The following CTDP1 variants were observed in gnomAD, a reference collection of about 807,000 sequenced individuals.
CTDP1 encodes RNA polymerase II subunit A C-terminal domain phosphatase.
Under a neutral mutation model 91.8 loss-of-function variants are expected in CTDP1, and 47 were observed. The observed-to-expected ratio is 0.51, with a 90% CI of 0.41 to 0.65. The LOEUF (loss-of-function observed/expected upper bound fraction) is 0.65. Among genes scored for constraint, CTDP1 ranks in the 30% least tolerant of loss-of-function variants. The probability of loss-of-function intolerance (pLI) is 0.00; values close to 1 mark genes in which losing one functional copy is unlikely to be tolerated. For synonymous variants in CTDP1, 656 were observed against 598.5 expected (o/e 1.10, Z -1.40); for missense variants, 1,272 against 1,373.7 (o/e 0.93, Z 1.17).
chr18:79,710,890 C>T (rs1314300248), intron 6 of CTDP1, among the ~76,000 whole-genome samples: 1 of 151,908 alleles, frequency 6.6e-6, no homozygotes, highest in African/African-American at 2.4e-5. Flanking sequence ...ATTTAACATC[C>T]CCTTTCCAGT....
intron 12 of CTDP1, 103 bp downstream of exon 12, chr18:79,736,624 C>T (rs1568213434): frequency 9.9e-6 from 12 of 1,209,598 alleles, no homozygotes; most frequent in South Asian, 1.6e-5. Context: ...ACGCCCTCCA[C>T]CATTCTGTGT....
chr18:79,737,447 A>C (rs1405432610), intron 12 of CTDP1, among the ~76,000 whole-genome samples: 1 of 152,172 alleles, frequency 6.6e-6, no homozygotes, highest in Admixed American at 6.5e-5. Flanking sequence ...CTTTTTTCCC[A>C]GATGATTAGC....
intron 12 of CTDP1, among the ~76,000 whole-genome samples, chr18:79,739,272 A>C (rs1599306564): frequency 1.3e-5 from 2 of 152,306 alleles, no homozygotes; most frequent in Middle Eastern, 3.4e-3. Flanking sequence ...GCGGCCAGCC[A>C]CGTCATCCAG....
intron 10 of CTDP1, among the ~76,000 whole-genome samples, chr18:79,718,980 G>A (rs976607924): frequency 3.3e-5 from 5 of 152,172 alleles, no homozygotes; most frequent in Non-Finnish European, 5.9e-5. Context: ...CTGTCCCTGC[G>A]TGGGGATGCT....
intron 10 of CTDP1, among the ~76,000 whole-genome samples, chr18:79,727,954 G>A (rs1269905984): frequency 6.6e-6 from 1 of 152,216 alleles, no homozygotes; most frequent in Non-Finnish European, 1.5e-5. Flanking sequence ...CGAGAAAGAT[G>A]TGTACAGAGG....
At chr18:79,683,343 C>T (rs554880320) in intron 1 of CTDP1, among the ~76,000 whole-genome samples, 1 of 152,268 alleles carries the variant, frequency 6.6e-6, no homozygotes, top group Admixed American at 6.5e-5. Flanking sequence ...TTAGAGTACC[C>T]CTTTCAGATT....
upstream of CTDP1, chr18:79,677,604 G>T (rs2085269465): frequency 6.6e-6 from 1 of 152,278 alleles, no homozygotes; most frequent in African/African-American, 2.4e-5. Context: ...AGTATGTAAG[G>T]AGGCGGCTTC....
Position 79,695,562 on chromosome 18 carries a change from T to C in CTDP1, c.398+254T>C, listed in dbSNP as rs543373887. Among the ~76,000 whole-genome samples, 4 of 152,278 alleles carry C rather than the reference T, an allele frequency of 2.6e-5. No individual in the cohort carries two copies. In the South Asian group the frequency reaches 8.3e-4, roughly 32 times the overall value. ...CATGCTGGAGGGCCGAGACCTGTTT[T>C]CTCCTGACTGAAGACGCAGATCGCT... On this transcript the variant is annotated intron_variant, in intron 2 of 12. Coordinates refer to ENST00000613122, the MANE Select transcript of CTDP1 (RefSeq NM_004715.5).
Position 79,680,052 on chromosome 18 carries a change from G to A in CTDP1, c.105G>A (p.Trp35Ter). ...CCGCGCCGCTGCGCCTGCTGGAGTG[G>A]AGGGTGGCGGCGGGCGCGGCCGTGC... The part of the protein sequence containing the change: ...PGPAPLRLLE[W>*]RVAAGAAVRI... Residue 35 changes from tryptophan (W) to a stop codon, truncating the protein, a stop_gained, in exon 1 of 13, where the codon TGG becomes TGA. Coordinates refer to ENST00000613122, the MANE Select transcript of CTDP1 (RefSeq NM_004715.5). LOFTEE classifies it high-confidence loss of function. 1 of 1,253,938 alleles carries A rather than the reference G, an allele frequency of 8.0e-7. No homozygotes were observed. The highest frequency in any genetic ancestry group is 1.0e-6 in the Non-Finnish European group (1 of 1,003,722). 77.7% of individuals were successfully genotyped at this position (1,253,938 alleles called of 1,614,324 possible). A position where few individuals can be genotyped will look rare whatever the true frequency, so the allele number is the denominator to read the frequency against.
chr18:79,698,677 A>C (rs563946406), intron 4 of CTDP1, among the ~76,000 whole-genome samples: 1 of 152,186 alleles, frequency 6.6e-6, no homozygotes, highest in South Asian at 2.1e-4. Flanking sequence ...ACCAACACTG[A>C]GTTGTTTTTT....
chr18:79,714,402 C>A, intron 7 of CTDP1, 89 bp from the exon 8 acceptor site: 2 of 1,464,730 alleles, frequency 1.4e-6, no homozygotes, highest in Admixed American at 1.8e-5. Flanking sequence ...GACTTCACAG[C>A]CATGGAGAAG....
At chr18:79,750,243 G>A (rs115027865) in intron 12 of CTDP1, among the ~76,000 whole-genome samples, 26 of 152,064 alleles carry the variant, frequency 1.7e-4, no homozygotes, top group Admixed American at 3.9e-4. Context: ...GCAGTGTTGC[G>A]GTCATGGCCC....
At chr18:79,743,891 C>T (rs1319111219) in intron 12 of CTDP1, among the ~76,000 whole-genome samples, 1 of 152,224 alleles carries the variant, frequency 6.6e-6, no homozygotes, top group Non-Finnish European at 1.5e-5. Context: ...GGAAAAGTCA[C>T]ACTGGGAACT....
intron 12 of CTDP1, among the ~76,000 whole-genome samples, chr18:79,746,936 C>T (rs1216513908): frequency 6.6e-6 from 1 of 152,146 alleles, no homozygotes; most frequent in African/African-American, 2.4e-5. Context: ...CTGTGCCTAC[C>T]GTGCCTAGGG....
At chr18:79,753,569 C>T (rs2087042384) in intron 12 of CTDP1, 83 bp from the exon 13 acceptor site, 1 of 1,606,046 alleles carries the variant, frequency 6.2e-7, no homozygotes, top group Non-Finnish European at 8.5e-7. Context: ...ACCACGGAAG[C>T]CACTTCCCAA....
At chr18:79,748,532 G>A (rs1208423612) in intron 12 of CTDP1, among the ~76,000 whole-genome samples, 2 of 152,226 alleles carry the variant, frequency 1.3e-5, no homozygotes, top group African/African-American at 2.4e-5. Flanking sequence ...CGTGGAGGAC[G>A]TTTCTCAGCA....
chr18:79,687,651 C>T (rs1186577404), intron 1 of CTDP1, among the ~76,000 whole-genome samples: 2 of 151,236 alleles, frequency 1.3e-5, no homozygotes, highest in African/African-American at 2.5e-5. Context: ...CAGTTGGCTT[C>T]GCCAGTTCAC....
rs368692813 is a variant in CTDP1 at position 79,717,528 on chromosome 18, C to T, written c.2069-7C>T. 348 of 1,612,588 alleles carry T rather than the reference C, an allele frequency of 2.2e-4. 4 individuals are homozygous for T. In the South Asian group the frequency reaches 3.4e-3, roughly 16 times the overall value. ...GGAACAGCCTGACGCAGCCGGGTCT[C>T]CTGCAGGCACAGAGAAGGTGCTGCA... On this transcript the variant is annotated splice_polypyrimidine_tract_variant and splice_region_variant and intron_variant, in intron 8 of 12. Transcript: ENST00000613122.
rs2086181196 is a variant in CTDP1 at position 79,715,282 on chromosome 18, T to C, written c.1822T>C (p.Tyr608His). 6.2e-7 allele frequency: 1 copy of C among 1,610,402 alleles called. No individual in the cohort carries two copies. The highest frequency in any genetic ancestry group is 2.2e-5 in the East Asian group (1 of 44,744). ...TGTACACACTGACTACTATGCCAAGTATGACCGCTACCTCAACAAGGAGAT... is the reference window on the plus strand; with the variant it reads ...TGTACACACTGACTACTATGCCAAGCATGACCGCTACCTCAACAAGGAGAT... ...VRVHTDYYAKYDRYLNKEIEE... is the reference protein window; with the variant it reads ...VRVHTDYYAKHDRYLNKEIEE... The change falls in exon 8 of 13, where the codon TAT becomes CAT. Residue 608 changes from tyrosine to histidine, a missense_variant. By Grantham distance (83) the Tyr-to-His change is moderately conservative. This residue lies in a region of CTDP1 where 881 missense variants were observed against 911.6 expected (regional missense o/e 0.97). Transcript: ENST00000613122.
Sources: gnomAD v4.1 joint callset for allele counts (sites outside exome capture counted in the v4.1 genomes callset) on GRCh38, gnomAD v4.1.1 for gene constraint, gnomAD v4.1.1 regional missense constraint, MANE v1.5 for transcripts, NCBI Gene and HGNC (gene_info 2026-07-23, HGNC 2026-07-21) for gene names.